DAB1: variants seen among roughly 807,000 people sequenced by gnomAD.
DAB1 encodes the protein DAB adaptor protein 1.
Under a neutral mutation model 64.6 loss-of-function variants are expected in DAB1, and 15 were observed. The observed-to-expected ratio is 0.23, with a 90% CI of 0.16 to 0.36. The LOEUF is 0.36. DAB1 is among the 10% of genes least tolerant of loss of function. The pLI, the probability that DAB1 is intolerant of heterozygous loss-of-function variation, is 1.00. For synonymous variants in DAB1, 235 were observed against 251.9 expected (o/e 0.93, Z 0.64); for missense variants, 596 against 706.7 (o/e 0.84, Z 1.78).
At chr1:58,152,511 T>C (rs1055211442) in intron 4 of DAB1, among the ~76,000 whole-genome samples, 3 of 152,206 alleles carry the variant, frequency 2.0e-5, no homozygotes, top group African/African-American at 7.2e-5. Flanking sequence ...GTACTACCTG[T>C]GCACCTTAGG....
intron 5 of DAB1, among the ~76,000 whole-genome samples, chr1:57,929,459 T>C (rs549070274): frequency 5.9e-5 from 9 of 152,336 alleles, no homozygotes; most frequent in African/African-American, 2.2e-4. Flanking sequence ...GTCTAACTAA[T>C]GAATTCTTTC....
intron 5 of DAB1, among the ~76,000 whole-genome samples, chr1:58,040,953 C>G (rs1403842337): frequency 6.6e-6 from 1 of 152,148 alleles, no homozygotes; most frequent in Non-Finnish European, 1.5e-5. Flanking sequence ...TGCTGAACTC[C>G]CCAACCTCAC....
chr1:57,940,112 G>C (rs12407768), intron 5 of DAB1, among the ~76,000 whole-genome samples: 61,348 of 152,102 alleles, frequency 0.4, 13,528 homozygotes, highest in Admixed American at 0.51. Context: ...GAATGTGCAG[G>C]CTTCTCTGCT....
chr1:57,884,696 T>G (rs1250607508), upstream of DAB1, among the ~76,000 whole-genome samples: 1 of 152,220 alleles, frequency 6.6e-6, no homozygotes, highest in Non-Finnish European at 1.5e-5. Flanking sequence ...ATAGTTCGGA[T>G]GTTTGTCCTC....
intron 3 of DAB1, among the ~76,000 whole-genome samples, chr1:58,405,447 C>T (rs1212999325): frequency 6.6e-6 from 1 of 152,042 alleles, no homozygotes; most frequent in Non-Finnish European, 1.5e-5. Flanking sequence ...CTCACTGCAG[C>T]CTCAACCTCC....
chr1:58,380,455 A>G (rs905367464), intron 3 of DAB1, among the ~76,000 whole-genome samples: 1 of 152,226 alleles, frequency 6.6e-6, no homozygotes, highest in African/African-American at 2.4e-5. Flanking sequence ...ACCCAGTCTC[A>G]GGCAGTTCTT....
intron 1 of DAB1, among the ~76,000 whole-genome samples, chr1:57,309,926 G>T (rs1034989996): frequency 1.3e-5 from 2 of 152,120 alleles, no homozygotes; most frequent in African/African-American, 4.8e-5. Context: ...CACATGGGGG[G>T]ATGCAGTTTA....
intron 1 of DAB1, among the ~76,000 whole-genome samples, chr1:57,828,178 C>G (rs1043643198): frequency 6.6e-6 from 1 of 152,110 alleles, no homozygotes; most frequent in African/African-American, 2.4e-5. Flanking sequence ...ATCTCCTGAC[C>G]TTGTGATCCG....
chr1:58,513,275 T>C (rs1324945693), intron 2 of DAB1, among the ~76,000 whole-genome samples: 1 of 152,172 alleles, frequency 6.6e-6, no homozygotes, highest in Non-Finnish European at 1.5e-5. Flanking sequence ...CTGCTTCCCC[T>C]TCCACCATGA....
chr1:58,277,609 T>C (rs1661480585), intron 4 of DAB1, among the ~76,000 whole-genome samples: 1 of 152,130 alleles, frequency 6.6e-6, no homozygotes, highest in South Asian at 2.1e-4. Context: ...CTAAGGGTGG[T>C]GCCATTGCTC....
chr1:57,017,749 C>T (rs1407768455), intron 11 of DAB1, among the ~76,000 whole-genome samples: 1 of 152,160 alleles, frequency 6.6e-6, no homozygotes, highest in Non-Finnish European at 1.5e-5. Flanking sequence ...GGTGAAGAGG[C>T]CCTGGAGCTG....
At chr1:57,171,011 A>G (rs903607202) in intron 2 of DAB1, among the ~76,000 whole-genome samples, 4 of 152,172 alleles carry the variant, frequency 2.6e-5, no homozygotes, top group African/African-American at 9.7e-5. Context: ...AAAGAGTTCG[A>G]TACGGCTTGG....
intron 7 of DAB1, among the ~76,000 whole-genome samples, chr1:57,596,176 C>T (rs1045721241): frequency 2.6e-5 from 4 of 152,178 alleles, no homozygotes; most frequent in African/African-American, 4.8e-5. Context: ...GGACACCATT[C>T]GAACATTCTT....
At chr1:58,101,273 T>C (rs764520054) in intron 5 of DAB1, among the ~76,000 whole-genome samples, 3 of 152,112 alleles carry the variant, frequency 2.0e-5, no homozygotes, top group Non-Finnish European at 4.4e-5. Flanking sequence ...GCCGAGGTCA[T>C]GCCACTGCAC....
At chr1:57,950,199 G>A (rs572335464) in intron 5 of DAB1, among the ~76,000 whole-genome samples, 1 of 152,086 alleles carries the variant, frequency 6.6e-6, no homozygotes, top group Non-Finnish European at 1.5e-5. Flanking sequence ...TTTTAGCTGG[G>A]TTTAATACCT....
intron 5 of DAB1, among the ~76,000 whole-genome samples, chr1:58,016,688 G>T (rs1436782264): frequency 6.6e-6 from 1 of 151,980 alleles, no homozygotes; most frequent in Non-Finnish European, 1.5e-5. Context: ...TGCCTCTATT[G>T]TCATTAGTCA....
chr1:57,959,411 C>G (rs939443596), intron 5 of DAB1, among the ~76,000 whole-genome samples: 16 of 152,168 alleles, frequency 1.1e-4, no homozygotes, highest in African/African-American at 3.9e-4. Flanking sequence ...AAGTATTCTA[C>G]AAAAAGCAAT....
chr1:57,696,097 T>A (rs532855683), intron 6 of DAB1, among the ~76,000 whole-genome samples: 1 of 152,316 alleles, frequency 6.6e-6, no homozygotes, highest in South Asian at 2.1e-4. Context: ...TTCCTCCTTC[T>A]TCTGTTCACG....
chr1:57,069,235 T>C, intron 8 of DAB1, 125 bp downstream of exon 8: 2 of 752,800 alleles, frequency 2.7e-6, no homozygotes, highest in South Asian at 1.7e-5. Flanking sequence ...CTAGAAGCCA[T>C]TTCACTCAAA....
Sources: gnomAD v4.1 joint callset for allele counts (sites outside exome capture counted in the v4.1 genomes callset) on GRCh38, gnomAD v4.1.1 for gene constraint, MANE v1.5 for transcripts, NCBI Gene and HGNC (gene_info 2026-07-23, HGNC 2026-07-21) for gene names.